NFATC2: variants seen among roughly 807,000 people sequenced by gnomAD.
NFATC2 encodes the protein nuclear factor of activated T cells 2.
In NFATC2, 22 loss-of-function variants were observed where a neutral mutation model predicts 87.3. The observed-to-expected ratio is 0.25, with a 90% confidence interval of 0.18 to 0.36. NFATC2 has a LOEUF of 0.36. NFATC2 is among the 10% of genes least tolerant of loss of function. The probability of loss-of-function intolerance (pLI) is 1.00; values close to 1 mark genes in which losing one functional copy is unlikely to be tolerated. For missense variants in NFATC2, 1,149 were observed against 1,259.1 expected (o/e 0.91, Z 1.32); for synonymous variants, 565 against 542.2 (o/e 1.04, Z -0.58).
At chr20:51,413,000 C>A (rs1170017270) in intron 9 of NFATC2, among the ~76,000 whole-genome samples, 2 of 134,088 alleles carry the variant, frequency 1.5e-5, no homozygotes, top group Non-Finnish European at 3.2e-5. Context: ...CCCGCCGCCC[C>A]CCCCCCTCCC....
At chr20:51,392,865 C>T (rs78476385) in intron 10 of NFATC2, among the ~76,000 whole-genome samples, 2,193 of 152,304 alleles carry the variant, frequency 0.014, 51 homozygotes, top group African/African-American at 0.05. Flanking sequence ...ACCTCCATAA[C>T]AGAGTCGGGG....
chr20:51,511,852 C>T (rs975307476), intron 3 of NFATC2, among the ~76,000 whole-genome samples: 4 of 152,194 alleles, frequency 2.6e-5, no homozygotes, highest in African/African-American at 4.8e-5. Flanking sequence ...AGTTCCTCCT[C>T]TACTCAAAAC....
Position 51,391,201 on chromosome 20 carries a change from C to G in NFATC2, c.*295G>C, listed in dbSNP as rs762824164. ...TGCTCTCTGGGATTTAAAACATAAA[C>G]CGAAAAGAAGAGTTCTCTCTGGTGT... On this transcript the variant is annotated 3_prime_UTR_variant, in exon 11 of 11. Transcript: ENST00000371564. The G allele has an allele frequency of 1.4e-6, 1 of 703,244 alleles. No individual in the cohort carries two copies. Among genetic ancestry groups the G allele is most frequent in the Non-Finnish European group, 2.6e-6 (1 of 386,584 alleles). 43.6% of individuals were successfully genotyped at this position (703,244 alleles called of 1,614,324 possible). A position where few individuals can be genotyped will look rare whatever the true frequency, so the allele number is the denominator to read the frequency against.
chr20:51,522,923 C>G (rs892183043), intron 2 of NFATC2, among the ~76,000 whole-genome samples, 158 bp downstream of exon 2: 4 of 152,240 alleles, frequency 2.6e-5, no homozygotes, highest in Admixed American at 2.0e-4. Flanking sequence ...GGGAATTTAA[C>G]TTCCGTCTCA....
In NFATC2 at chr20:51,480,427, G is replaced by C. The variant is rs115764105; in HGVS notation, c.1333-4767C>G. On this transcript the variant is annotated intron_variant, in intron 3 of 10. Transcript: ENST00000371564. This position sits in a 1 kb window ranked among gnomAD's most constrained non-coding sequence, Gnocchi z 4.2. ...AAACAAAAACGGTAGTTCCTTGAGA[G>C]AAAAACCTCTTTAGGAAAGCCAAGA... 6.6e-6 allele frequency among the ~76,000 whole-genome samples: 1 copy of C among 152,284 alleles called. No individual in the cohort carries two copies. The highest frequency in any genetic ancestry group is 2.4e-5 in the African/African-American group (1 of 41,556).
At position 51,432,944 on chromosome 20, in the gene NFATC2, T is replaced by C. The variant is rs1218617868; in HGVS notation, c.2033-188A>G. 6.6e-6 allele frequency among the ~76,000 whole-genome samples: 1 copy of C among 152,174 alleles called. No individual in the cohort carries two copies. The highest frequency in any genetic ancestry group is 1.9e-4 in the East Asian group (1 of 5,190). ...TGCAATTGTCTTAGGTAGGAAATTT[T>C]ACCCTGGCCATGAACATCTTGAATT... is the stretch of plus-strand genomic sequence containing the variant. On this transcript the variant is annotated intron_variant, in intron 8 of 10. Coordinates refer to ENST00000371564, the MANE Select transcript of NFATC2 (RefSeq NM_012340.5). This position sits in a 1 kb window ranked among gnomAD's most constrained non-coding sequence, Gnocchi z 4.6.
At chr20:51,487,627 C>G (rs774327828) in intron 3 of NFATC2, among the ~76,000 whole-genome samples, 3 of 152,202 alleles carry the variant, frequency 2.0e-5, no homozygotes, top group Non-Finnish European at 4.4e-5. Flanking sequence ...TGAAAAAGAA[C>G]CCCAAGATGG....
intron 1 of NFATC2, among the ~76,000 whole-genome samples, chr20:51,554,254 A>G (rs2076958928): frequency 2.6e-5 from 4 of 152,156 alleles, no homozygotes; most frequent in Admixed American, 2.6e-4. Flanking sequence ...ATGACTTCCT[A>G]TGTCTCCCCC....
chr20:51,409,080 A>G (rs1978805319), intron 9 of NFATC2, among the ~76,000 whole-genome samples: 1 of 152,272 alleles, frequency 6.6e-6, no homozygotes, highest in African/African-American at 2.4e-5. Flanking sequence ...GTCTGACAGT[A>G]TCAAACTTTG....
intron 10 of NFATC2, among the ~76,000 whole-genome samples, chr20:51,392,232 G>A (rs1986443423): frequency 6.6e-6 from 1 of 152,200 alleles, no homozygotes; most frequent in South Asian, 2.1e-4. Flanking sequence ...GCCCCCCAAA[G>A]ACTGACTAGC....
At chr20:51,399,286 C>T (rs913274270) in intron 9 of NFATC2, 1 of 153,648 alleles carries the variant, frequency 6.5e-6, no homozygotes, top group African/African-American at 2.4e-5. Flanking sequence ...AACGAAGGCA[C>T]TTGAATGAGA....
In NFATC2 at chr20:51,480,228, C is replaced by T. The variant is rs1425765268; in HGVS notation, c.1333-4568G>A. On this transcript the variant is annotated intron_variant, in intron 3 of 10. Transcript: ENST00000371564. The surrounding 1 kb of genome is among the most constrained non-coding windows in gnomAD (Gnocchi z 4.2). ...ACTTGAACCCGGGGGTTGGAGGTGG[C>T]AGTGAGCCGATATTGCACCACTGCA... is the stretch of plus-strand genomic sequence containing the variant. Among the ~76,000 whole-genome samples, 3 of 151,992 alleles carry T rather than the reference C, an allele frequency of 2.0e-5. No individual in the cohort carries two copies. The highest frequency in any genetic ancestry group is 2.9e-5 in the Non-Finnish European group (2 of 68,008).
At chr20:51,514,554 G>A (rs1012761174) in intron 3 of NFATC2, among the ~76,000 whole-genome samples, 2 of 152,188 alleles carry the variant, frequency 1.3e-5, no homozygotes, top group Non-Finnish European at 1.5e-5. Context: ...ATGAAGGAAA[G>A]GTGCATGGAG....
At chr20:51,521,614 C>A (rs1220479189) in intron 2 of NFATC2, among the ~76,000 whole-genome samples, 1 of 152,236 alleles carries the variant, frequency 6.6e-6, no homozygotes, top group Admixed American at 6.5e-5. Context: ...AGCCACCGCA[C>A]CCGGCCTATT....
chr20:51,496,575 CAAAG>C (rs1298006128), intron 3 of NFATC2, among the ~76,000 whole-genome samples: 1 of 152,106 alleles, frequency 6.6e-6, no homozygotes, highest in African/African-American at 2.4e-5. Flanking sequence ...TCTCTATAAA[CAAAG>C]AATCACTAAC....
At chr20:51,437,112 CAAAA>C (rs3029278) in intron 6 of NFATC2, among the ~76,000 whole-genome samples, 294 of 130,698 alleles carry the variant, frequency 2.2e-3, no homozygotes, top group East Asian at 6.6e-3. Flanking sequence ...GAAGTTGGGC[CAAAA>C]AAAAAAAAAA....
At chr20:51,489,448 A>T (rs1423063101) in intron 3 of NFATC2, among the ~76,000 whole-genome samples, 1 of 152,256 alleles carries the variant, frequency 6.6e-6, no homozygotes, top group Non-Finnish European at 1.5e-5. Context: ...CTACATTCTT[A>T]GATGAGAAGC....
At position 51,390,864 on chromosome 20, in the gene NFATC2, G is replaced by A. The variant is rs189979793; in HGVS notation, c.*632C>T. 1.2e-4 allele frequency: 23 copies of A among 197,230 alleles called. No individual in the cohort carries two copies. The East Asian group carries it at 2.3e-3, about 20-fold the overall frequency. 12.2% of individuals were successfully genotyped at this position (197,230 alleles called of 1,614,324 possible). A position where few individuals can be genotyped will look rare whatever the true frequency, so the allele number is the denominator to read the frequency against. ...ACTGGGCGAGCTCTAAGGACTGACAGTTCAGTTTCTGTCTCTATCGAGGGT... is the reference window on the plus strand; with the variant it reads ...ACTGGGCGAGCTCTAAGGACTGACAATTCAGTTTCTGTCTCTATCGAGGGT... On this transcript the variant is annotated 3_prime_UTR_variant, in exon 11 of 11. Transcript: ENST00000371564.
intron 5 of NFATC2, among the ~76,000 whole-genome samples, chr20:51,458,724 G>T (rs1216788061): frequency 6.6e-6 from 1 of 152,042 alleles, no homozygotes; most frequent in Non-Finnish European, 1.5e-5. Flanking sequence ...TGAGGCAGGA[G>T]AATTGCTTGA....
Sources: allele counts gnomAD v4.1 joint callset (sites outside exome capture counted in the v4.1 genomes callset), GRCh38; gene constraint gnomAD v4.1.1; non-coding constraint Gnocchi (gnomAD v3.1); transcripts MANE v1.5; gene names NCBI Gene and HGNC (gene_info 2026-07-23, HGNC 2026-07-21).